SHROOM4: variants seen among roughly 807,000 people sequenced by gnomAD.
SHROOM4 encodes protein Shroom4.
In SHROOM4, 17 loss-of-function variants were observed where a neutral mutation model predicts 80.3. The ratio of observed to expected loss-of-function variants is 0.21; its 90% CI spans 0.14 to 0.32. The LOEUF (loss-of-function observed/expected upper bound fraction) is 0.32, where lower values mean the gene tolerates loss of function less well. Ranked by LOEUF, SHROOM4 falls within the 10% of genes least tolerant of loss-of-function variation. The pLI is 1.00. For synonymous variants in SHROOM4, 400 were observed against 437.5 expected, an observed-to-expected ratio of 0.91 and a Z score of 1.07; for missense variants, 993 against 1,140.3, an observed-to-expected ratio of 0.87 and a Z score of 1.86.
intron 1 of SHROOM4, among the ~76,000 whole-genome samples, chrX:50,794,991 T>C (rs1353261097): frequency 2.1e-5 from 2 of 93,484 alleles, no homozygotes. Context: ...ATGATATATG[T>C]TGGATAACAA....
chrX:50,649,332 C>T (rs1223252157), intron 2 of SHROOM4, among the ~76,000 whole-genome samples: 1 of 112,077 alleles, frequency 8.9e-6, no homozygotes, highest in Non-Finnish European at 1.9e-5. Flanking sequence ...CATGTGGTCA[C>T]TATCCAGAGG....
chrX:50,701,310 A>G (rs1557263531), intron 1 of SHROOM4, among the ~76,000 whole-genome samples: 1 of 111,922 alleles, frequency 8.9e-6, no homozygotes, highest in Non-Finnish European at 1.9e-5. Flanking sequence ...AACCAAAGGC[A>G]AATTTGTCTT....
rs1329565433 is a variant in SHROOM4, at chrX:50,596,137, G to A, written c.*558C>T. 6.1e-6 allele frequency: 2 copies of A among 328,562 alleles called. No homozygotes were observed. Among genetic ancestry groups the A allele is most frequent in the African/African-American group, 5.3e-5 (2 of 37,860 alleles). The allele number at this position is 328,562 out of a possible 1,213,427, so 27.1% of individuals were successfully genotyped here. On this transcript the variant is annotated 3_prime_UTR_variant, in exon 9 of 9. Transcript: ENST00000376020. ...GTTCCTTCCTAAGGGGCACCTGGGG[G>A]TACTCAACCTTTGCTTGCATTTTTT... is the stretch of plus-strand genomic sequence containing the variant.
At chrX:50,804,936 C>G (rs1362776326) in intron 1 of SHROOM4, among the ~76,000 whole-genome samples, 3 of 110,352 alleles carry the variant, frequency 2.7e-5, no homozygotes, top group Non-Finnish European at 5.7e-5. Flanking sequence ...ATACAGAGCT[C>G]CAAACTCTTG....
chrX:50,699,922 A>T (rs1017690265), intron 1 of SHROOM4, among the ~76,000 whole-genome samples: 1 of 112,555 alleles, frequency 8.9e-6, no homozygotes, highest in Non-Finnish European at 1.9e-5. Flanking sequence ...CAGGTTTATA[A>T]TTTAAAAATG....
chrX:50,581,005 G>C, the SHROOM4 span, among the ~76,000 whole-genome samples: 2 of 111,826 alleles, frequency 1.8e-5, no homozygotes, highest in African/African-American at 6.5e-5. Flanking sequence ...AAGGGAATAT[G>C]GGAGCCAAAA....
intron 2 of SHROOM4, among the ~76,000 whole-genome samples, chrX:50,690,405 G>C (rs1933189741): frequency 9.1e-6 from 1 of 110,283 alleles, no homozygotes; most frequent in African/African-American, 3.3e-5. Flanking sequence ...CCTAGTCCTT[G>C]GTTTCATATT....
At chrX:50,705,989 TACACACACAC>T (rs56363612) in intron 1 of SHROOM4, among the ~76,000 whole-genome samples, 210 of 74,372 alleles carry the variant, frequency 2.8e-3, no homozygotes, top group African/African-American at 8.5e-3. Context: ...TCTCATCCTC[TACACACACAC>T]ACACACACAC....
chrX:50,655,183 T>C (rs368081427), intron 2 of SHROOM4, among the ~76,000 whole-genome samples: 18 of 110,254 alleles, frequency 1.6e-4, no homozygotes, highest in Admixed American at 5.9e-4. Flanking sequence ...ATTTATCCAA[T>C]TCACCATTGA....
intron 5 of SHROOM4, among the ~76,000 whole-genome samples, chrX:50,624,862 A>G (rs1474806265): frequency 9.0e-6 from 1 of 111,265 alleles, no homozygotes; most frequent in Non-Finnish European, 1.9e-5. Context: ...CATATTTGTG[A>G]GCAAATAATC....
chrX:50,794,738 T>G (rs936522979), intron 1 of SHROOM4, among the ~76,000 whole-genome samples: 6 of 107,580 alleles, frequency 5.6e-5, no homozygotes, highest in Non-Finnish European at 9.6e-5. Context: ...CCTATTTATC[T>G]ACCTAGCATA....
Position 50,633,572 on chromosome X carries a change from T to C in SHROOM4, c.2501A>G (p.Asp834Gly), listed in dbSNP as rs782744162. Residue 834 changes from aspartate to glycine, a missense_variant, in exon 4 of 9, where the codon GAC becomes GGC. Asp to Gly is a moderately conservative substitution (Grantham distance 94). Coordinates refer to ENST00000376020, the MANE Select transcript of SHROOM4 (RefSeq NM_020717.5). ...HPMDQSYHSA[D>G]QPYHATDQSY... ...TTGGTCTGTGGCATGATATGGTTGGTCTGCGGAATGATATGATTGGTCCAT... is the reference window on the plus strand; with the variant it reads ...TTGGTCTGTGGCATGATATGGTTGGCCTGCGGAATGATATGATTGGTCCAT... 8.3e-7 allele frequency: 1 copy of C among 1,210,106 alleles called. No homozygotes were observed. The highest frequency in any genetic ancestry group is 1.7e-5 in the African/African-American group (1 of 57,145).
chrX:50,813,943 T>C lies in SHROOM4; in HGVS notation c.76A>G (p.Lys26Glu), dbSNP rs141228531. 13 of 1,204,750 alleles carry C rather than the reference T, an allele frequency of 1.1e-5. No homozygotes were observed. The African/African-American group carries it at 2.1e-4, about 20-fold the overall frequency. Residue 26 changes from lysine (K) to glutamate (E), a missense_variant, in exon 1 of 9, where the codon AAG becomes GAG. Physicochemically the swap from Lys to Glu is moderately conservative, Grantham distance 56. Coordinates refer to ENST00000376020, the MANE Select transcript of SHROOM4 (RefSeq NM_020717.5). ...QGGAPWGFTL[K>E]GGLEHCEPLT... ...GGCTCACAGTGTTCCAGACCCCCCTTAAGGGTGAAGCCCCAGGGTGCCCCC... is the reference window on the plus strand; with the variant it reads ...GGCTCACAGTGTTCCAGACCCCCCTCAAGGGTGAAGCCCCAGGGTGCCCCC...
At chrX:50,642,151 A>C (rs1351256401) in intron 2 of SHROOM4, among the ~76,000 whole-genome samples, 4 of 112,510 alleles carry the variant, frequency 3.6e-5, no homozygotes, top group African/African-American at 1.3e-4. Flanking sequence ...CTAGACTTGA[A>C]GTCAGTCTAC....
chrX:50,765,815 T>C (rs1935263083), intron 1 of SHROOM4, among the ~76,000 whole-genome samples: 1 of 111,990 alleles, frequency 8.9e-6, no homozygotes, highest in Non-Finnish European at 1.9e-5. Flanking sequence ...TTAAACTTTC[T>C]GCAGGCCCAA....
At chrX:50,645,156 A>C (rs1931778803) in intron 2 of SHROOM4, among the ~76,000 whole-genome samples, 1 of 111,819 alleles carries the variant, frequency 8.9e-6, no homozygotes, top group Non-Finnish European at 1.9e-5. Context: ...ATTTTGATTC[A>C]GCGAGGCCCA....
At chrX:50,602,584 C>T (rs2147219152) in intron 7 of SHROOM4, 49 bp downstream of exon 7, 3 of 1,152,950 alleles carry the variant, frequency 2.6e-6, no homozygotes, top group South Asian at 1.8e-5. Context: ...CCTCCAGATA[C>T]ATTCAAGCTA....
chrX:50,594,452 C>T lies in SHROOM4; in HGVS notation c.*2243G>A, dbSNP rs1333623836. 1 of 112,067 alleles carries T rather than the reference C, an allele frequency of 8.9e-6. No individual in the cohort carries two copies. The highest frequency in any genetic ancestry group is 1.9e-5 in the Non-Finnish European group (1 of 53,264). 9.2% of individuals were successfully genotyped at this position (112,067 alleles called of 1,213,427 possible). ...GAGATGGGATTAAGAACAAAAATAA[C>T]AGAGTTAATAGTATTTTTGGTGTCA... On this transcript the variant is annotated 3_prime_UTR_variant, in exon 9 of 9. Transcript: ENST00000376020.
At chrX:50,781,632 G>A (rs1168011510) in intron 1 of SHROOM4, among the ~76,000 whole-genome samples, 1 of 110,744 alleles carries the variant, frequency 9.0e-6, no homozygotes, top group Admixed American at 9.6e-5. Context: ...CAAGGAAAGA[G>A]ATATGAAAGT....
Sources: allele counts gnomAD v4.1 joint callset (sites outside exome capture counted in the v4.1 genomes callset), GRCh38; gene constraint gnomAD v4.1.1; transcripts MANE v1.5; gene names NCBI Gene and HGNC (gene_info 2026-07-23, HGNC 2026-07-21).